CCDC148: variants seen among roughly 807,000 people sequenced by gnomAD.
CCDC148 encodes coiled-coil domain-containing protein 148.
CCDC148 carries 89 observed loss-of-function variants against 85.7 expected under a neutral mutation model. The ratio of observed to expected loss-of-function variants is 1.04; its 90% CI spans 0.87 to 1.24. CCDC148 has a LOEUF of 1.24. CCDC148 is among the 50% of genes most tolerant of loss of function. The probability of loss-of-function intolerance (pLI) is 0.00; values close to 1 mark genes in which losing one functional copy is unlikely to be tolerated. For missense variants in CCDC148, 692 were observed against 671.7 expected, an observed-to-expected ratio of 1.03 and a Z score of -0.33; for synonymous variants, 230 against 213.9, an observed-to-expected ratio of 1.08 and a Z score of -0.66.
At chr2:158,310,685 G>C (rs1421182918) in intron 8 of CCDC148, among the ~76,000 whole-genome samples, 2 of 150,926 alleles carry the variant, frequency 1.3e-5, no homozygotes, top group Admixed American at 1.3e-4. Context: ...TCCCAGATGG[G>C]GTGGCGGCCG....
intron 1 of CCDC148, among the ~76,000 whole-genome samples, chr2:158,395,323 A>G (rs2042082): frequency 0.72 from 108,937 of 151,932 alleles, 39,862 homozygotes; most frequent in East Asian, 0.82. Flanking sequence ...CTAATCAATG[A>G]CACATATTTC....
rs1574329691 is a variant in CCDC148 at position 158,172,204 on chromosome 2, T to C, written c.1685A>G (p.His562Arg). 3 of 1,609,792 alleles carry C rather than the reference T, an allele frequency of 1.9e-6. No individual in the cohort carries two copies. The highest frequency in any genetic ancestry group is 1.7e-5 in the Admixed American group (1 of 59,514). Residue 562 changes from histidine to arginine, a missense_variant, in exon 14 of 14, where the codon CAT (histidine) becomes CGT (arginine). Physicochemically the swap from His to Arg is conservative, Grantham distance 29 (BLOSUM62 0). Transcript: ENST00000283233. ...FELALREAGL[H>R]RTLYAKEILP... The stretch of plus-strand genomic sequence containing the variant: ...TATCTCTTTAGCATAAAGTGTTCTA[T>C]GAAGTCCAGCTTCTCGAAGTGCTAA...
At chr2:158,418,098 GT>G (rs544670743) in intron 1 of CCDC148, among the ~76,000 whole-genome samples, 202 of 145,082 alleles carry the variant, frequency 1.4e-3, no homozygotes, top group African/African-American at 2.7e-3. Flanking sequence ...TCCCTTGAGT[GT>G]TTTTTTTTTT....
intron 1 of CCDC148, among the ~76,000 whole-genome samples, chr2:158,422,714 G>A (rs981307559): frequency 6.6e-6 from 1 of 152,110 alleles, no homozygotes. Context: ...CTTCAACATA[G>A]TATTGGAAGT....
rs755350420 is a variant in CCDC148, at chr2:158,345,254, T to A, written c.212A>T (p.Gln71Leu). ...KEQTLIKQHK[Q>L]VWWQEYQRLN... is the part of the protein sequence containing the mutation. ...CCTCTGGTATTCCTGCCACCACACTTGCTTGTGTTGTTTTATTAGTGTTTG... is the reference window on the plus strand; with the variant it reads ...CCTCTGGTATTCCTGCCACCACACTAGCTTGTGTTGTTTTATTAGTGTTTG... The change falls in exon 3 of 14, where the codon CAA becomes CTA. Residue 71 changes from glutamine to leucine, a missense_variant. Gln to Leu is a moderately radical substitution (Grantham distance 113). Transcript: ENST00000283233. The A allele has an allele frequency of 6.2e-7, 1 of 1,613,634 alleles. No homozygotes were observed. The highest frequency in any genetic ancestry group is 1.1e-5 in the South Asian group (1 of 91,054).
rs886890191 is a variant in CCDC148 at position 158,436,902 on chromosome 2, A to G, written c.25+19513T>C. On this transcript the variant is annotated intron_variant, in intron 1 of 13. Transcript: ENST00000283233. The stretch of plus-strand genomic sequence containing the variant: ...AAGAAATGGATAAATTCCTCGACAC[A>G]TACACCCTCTCAAGACTAAACCAGG... Among the ~76,000 whole-genome samples the G allele has an allele frequency of 7.9e-5, 12 of 152,352 alleles. No homozygotes were observed. In the East Asian group the frequency reaches 2.1e-3, roughly 27 times the overall value.
intron 11 of CCDC148, among the ~76,000 whole-genome samples, chr2:158,206,208 G>A (rs1489892721): frequency 6.6e-6 from 1 of 152,098 alleles, no homozygotes; most frequent in African/African-American, 2.4e-5. Context: ...GAGACTCATC[G>A]CTATTCCAAT....
intron 11 of CCDC148, among the ~76,000 whole-genome samples, chr2:158,179,802 C>T (rs961034841): frequency 3.9e-5 from 6 of 152,112 alleles, no homozygotes; most frequent in South Asian, 2.1e-4. Flanking sequence ...TGAGTAGGTG[C>T]GTATGTGTGT....
intron 11 of CCDC148, among the ~76,000 whole-genome samples, chr2:158,183,140 G>C (rs950930208): frequency 3.3e-5 from 5 of 152,074 alleles, no homozygotes; most frequent in Admixed American, 6.6e-5. Flanking sequence ...ACTTCTCTTG[G>C]GGGAGGAGAA....
intron 11 of CCDC148, among the ~76,000 whole-genome samples, chr2:158,186,962 A>G (rs1384301198): frequency 2.6e-5 from 4 of 151,930 alleles, no homozygotes; most frequent in Non-Finnish European, 5.9e-5. Context: ...CCCTGCCAAT[A>G]TCCAACTCTA....
intron 1 of CCDC148, among the ~76,000 whole-genome samples, chr2:158,434,923 C>T (rs1357970572): frequency 6.6e-6 from 1 of 152,020 alleles, no homozygotes; most frequent in African/African-American, 2.4e-5. Context: ...GAGAAGTTTA[C>T]AGACAAAAGA....
chr2:158,265,323 C>A (rs1689409192), intron 9 of CCDC148, among the ~76,000 whole-genome samples: 1 of 151,992 alleles, frequency 6.6e-6, no homozygotes, highest in African/African-American at 2.4e-5. Flanking sequence ...ACCAATAATC[C>A]TATACATCAT....
At chr2:158,445,696 T>C (rs1688129320) in intron 1 of CCDC148, among the ~76,000 whole-genome samples, 1 of 152,188 alleles carries the variant, frequency 6.6e-6, no homozygotes, top group Non-Finnish European at 1.5e-5. Context: ...TCTCTGTAAA[T>C]AACACTTTTG....
intron 2 of CCDC148, 66 bp downstream of exon 2, chr2:158,358,383 T>C: frequency 6.4e-7 from 1 of 1,552,714 alleles, no homozygotes; most frequent in Non-Finnish European, 8.7e-7. Context: ...ACATTGACAA[T>C]GTAAATACTT....
chr2:158,407,287 G>A (rs1686068006), intron 1 of CCDC148, among the ~76,000 whole-genome samples: 1 of 152,110 alleles, frequency 6.6e-6, no homozygotes, highest in Admixed American at 6.5e-5. Flanking sequence ...TTTGACTCCA[G>A]TATGCACTAG....
At chr2:158,448,185 A>G (rs1688239586) in intron 1 of CCDC148, among the ~76,000 whole-genome samples, 1 of 152,150 alleles carries the variant, frequency 6.6e-6, no homozygotes, top group African/African-American at 2.4e-5. Context: ...AACTGATTGT[A>G]AATATATTAA....
At chr2:158,262,977 C>T (rs964784497) in intron 9 of CCDC148, among the ~76,000 whole-genome samples, 5 of 152,062 alleles carry the variant, frequency 3.3e-5, no homozygotes, top group Non-Finnish European at 5.9e-5. Context: ...CATGTCACTA[C>T]GTGATTACGT....
chr2:158,259,123 C>T (rs1689120626), intron 9 of CCDC148, among the ~76,000 whole-genome samples: 2 of 151,734 alleles, frequency 1.3e-5, no homozygotes, highest in Admixed American at 1.3e-4. Flanking sequence ...CCCTCCCTGC[C>T]CCACACTCCC....
chr2:158,190,528 CAT>C (rs1685373790), intron 11 of CCDC148, among the ~76,000 whole-genome samples: 1 of 152,014 alleles, frequency 6.6e-6, no homozygotes, highest in Admixed American at 6.6e-5. Flanking sequence ...CACTTGCCAT[CAT>C]ATGAACTCAC....
Sources: allele counts gnomAD v4.1 joint callset (sites outside exome capture counted in the v4.1 genomes callset), GRCh38; gene constraint gnomAD v4.1.1; transcripts MANE v1.5; gene names NCBI Gene and HGNC (gene_info 2026-07-23, HGNC 2026-07-21).